The following SSUH2 variants were observed in gnomAD, a reference collection of about 807,000 sequenced individuals.
SSUH2 encodes protein SSUH2 homolog.
SSUH2 carries 47 observed loss-of-function variants against 55.3 expected under a neutral mutation model. The ratio of observed to expected loss-of-function variants is 0.85; its 90% CI spans 0.67 to 1.08. The LOEUF is 1.08. Among genes scored for constraint, SSUH2 ranks in the 50% least tolerant of loss-of-function variants. The pLI, the probability that SSUH2 is intolerant of heterozygous loss-of-function variation, is 0.00. For missense variants in SSUH2, 535 were observed against 490.7 expected (o/e 1.09, Z -0.85); for synonymous variants, 212 against 191.5 (o/e 1.11, Z -0.89).
chr3:8,640,165 C>A, intron 1 of SSUH2: 1 of 215,374 alleles, frequency 4.6e-6, no homozygotes, highest in Non-Finnish European at 7.9e-6. Context: ...CATGGCTGCA[C>A]AACAACGTGA....
intron 7 of SSUH2, among the ~76,000 whole-genome samples, chr3:8,657,996 C>T (rs942647390): frequency 3.9e-5 from 6 of 152,260 alleles, no homozygotes; most frequent in African/African-American, 1.4e-4. Flanking sequence ...CCTCCCTGTT[C>T]TTCCCATGTG....
At chr3:8,653,195 T>A (rs1245666476) in intron 7 of SSUH2, among the ~76,000 whole-genome samples, 1 of 152,234 alleles carries the variant, frequency 6.6e-6, no homozygotes, top group Non-Finnish European at 1.5e-5. Context: ...TCAATGTTAA[T>A]CACAGACCTC....
chr3:8,652,189 C>T (rs1702490779), intron 7 of SSUH2: 1 of 152,286 alleles, frequency 6.6e-6, no homozygotes, highest in South Asian at 2.1e-4. Context: ...AACTCTCCCA[C>T]CTTCCCTGTT....
At chr3:8,666,663 C>T (rs2125389771) in intron 5 of SSUH2, among the ~76,000 whole-genome samples, 1 of 152,330 alleles carries the variant, frequency 6.6e-6, no homozygotes, top group African/African-American at 2.4e-5. Context: ...TCGCCCACCA[C>T]CAAGCAGCAG....
rs545181052 is a variant in SSUH2 at position 8,679,445 on chromosome 3, C to T, written c.-901+260G>A. On this transcript the variant is annotated intron_variant, in intron 2 of 18. Coordinates refer to the SSUH2 transcript ENST00000317371. Reference sequence around the variant, plus strand: ...CTGGCTCTTAGGACCCCCATCACAGCGGGGGGAGGCACCCCCCGGGAGGCG... The same window carrying T: ...CTGGCTCTTAGGACCCCCATCACAGTGGGGGGAGGCACCCCCCGGGAGGCG... Among the ~76,000 whole-genome samples the T allele has an allele frequency of 6.1e-4, 64 of 105,194 alleles. 1 individual carries two copies. The highest frequency in any genetic ancestry group is 8.9e-4 in the Non-Finnish European group (43 of 48,276). The allele number at this position is 105,194 out of a possible 152,430, so 69.0% of individuals were successfully genotyped here.
At chr3:8,653,024 GAGCC>G (rs1702581623) in intron 7 of SSUH2, among the ~76,000 whole-genome samples, 1 of 152,178 alleles carries the variant, frequency 6.6e-6, no homozygotes, top group African/African-American at 2.4e-5. Flanking sequence ...CTGGCTTCCA[GAGCC>G]AGCTCCACAT....
rs375355677 is a variant in SSUH2, at chr3:8,678,727, G to A, written c.-901+978C>T. On this transcript the variant is annotated intron_variant, in intron 2 of 18. Transcript: ENST00000317371. ...CTGGGTCTTAGGACCCCCAACGTGG[G>A]GGGGGGAGGCACCACACGCGAGGCG... Among the ~76,000 whole-genome samples, 22 of 73,384 alleles carry A rather than the reference G, an allele frequency of 3.0e-4. 6 individuals carry two copies. The highest frequency in any genetic ancestry group is 6.3e-4 in the African/African-American group (14 of 22,110). The allele number at this position is 73,384 out of a possible 152,430, so 48.1% of individuals were successfully genotyped here.
chr3:8,662,260 T>C (rs554329029), intron 6 of SSUH2, among the ~76,000 whole-genome samples: 1 of 152,262 alleles, frequency 6.6e-6, no homozygotes, highest in African/African-American at 2.4e-5. Context: ...GAGAGGGCCA[T>C]GGGGAATTGT....
At chr3:8,681,414 C>T (rs913963896) in intron 1 of SSUH2, among the ~76,000 whole-genome samples, 2 of 147,452 alleles carry the variant, frequency 1.4e-5, no homozygotes, top group Non-Finnish European at 3.0e-5. Flanking sequence ...GAGGCACCCC[C>T]GGCGAGCCCG....
intron 5 of SSUH2, among the ~76,000 whole-genome samples, chr3:8,669,878 G>C (rs917043658): frequency 6.6e-6 from 1 of 152,196 alleles, no homozygotes; most frequent in African/African-American, 2.4e-5. Context: ...GAGAACGGGG[G>C]ACATGGGACT....
chr3:8,651,792 T>G (rs1044017497), intron 7 of SSUH2, among the ~76,000 whole-genome samples: 3 of 152,250 alleles, frequency 2.0e-5, no homozygotes, highest in African/African-American at 7.2e-5. Flanking sequence ...TGTGTTCCCA[T>G]GGCTCCACCC....
chr3:8,678,192 C>A (rs1318572482), intron 2 of SSUH2, among the ~76,000 whole-genome samples: 1 of 151,996 alleles, frequency 6.6e-6, no homozygotes, highest in Non-Finnish European at 1.5e-5. Flanking sequence ...GTCATATCAC[C>A]CCCTCCGCCT....
exon 4 of SSUH2, chr3:8,671,925 C>T (rs577656232): frequency 1.3e-5 from 2 of 152,112 alleles, no homozygotes; most frequent in African/African-American, 4.8e-5. Context: ...GGTCACACAG[C>T]ATGTTGACGG....
intron 1 of SSUH2, among the ~76,000 whole-genome samples, chr3:8,642,670 G>T (rs1304765917): frequency 6.6e-6 from 1 of 152,178 alleles, no homozygotes; most frequent in African/African-American, 2.4e-5. Context: ...ACTGGAGAAA[G>T]GTTTTCTCCC....
At chr3:8,634,560 T>G in intron 3 of SSUH2, 1 of 1,289,850 alleles carries the variant, frequency 7.8e-7, no homozygotes, top group South Asian at 1.2e-5. Flanking sequence ...GGGGCCCGTC[T>G]GTCTTCAGAT....
intron 1 of SSUH2, among the ~76,000 whole-genome samples, chr3:8,644,298 A>G (rs1280532114): frequency 3.3e-5 from 5 of 152,214 alleles, no homozygotes; most frequent in Non-Finnish European, 7.4e-5. Context: ...TTGAAATAAG[A>G]ATCCTGAAAA....
rs905399267 is a variant in SSUH2 at position 8,676,176 on chromosome 3, T to C, written c.-753+1030A>G. On this transcript the variant is annotated intron_variant, in intron 3 of 18. Transcript: ENST00000317371. ...TTGTGAGTAATATCATCTCCCCCTC[T>C]GGAGATTATGAACTGTTTCACAGAC... is the stretch of plus-strand genomic sequence containing the variant. 5.4e-4 allele frequency among the ~76,000 whole-genome samples: 82 copies of C among 152,124 alleles called. 6 individuals are homozygous for C. The highest frequency in any genetic ancestry group is 2.9e-5 in the Non-Finnish European group (2 of 67,966).
rs114202405 is a variant in SSUH2 at position 8,623,695 on chromosome 3, C to T, written c.874-39G>A. The T allele has an allele frequency of 3.8e-3, 4,284 of 1,116,234 alleles. 50 individuals carry two copies. Among genetic ancestry groups the T allele is most frequent in the African/African-American group, 0.031 (1,956 of 63,894 alleles). The allele number at this position is 1,116,234 out of a possible 1,614,324, so 69.1% of individuals were successfully genotyped here. A position where few individuals can be genotyped will look rare whatever the true frequency, so the allele number is the denominator to read the frequency against. On this transcript the variant is annotated intron_variant, in intron 10 of 11. Transcript: ENST00000544814. Reference sequence around the variant, plus strand: ...AGAGAGACACAGACCACCTGGCTGCCGCACCTGGAGCCTTGGAAGTCACTG... The same window carrying T: ...AGAGAGACACAGACCACCTGGCTGCTGCACCTGGAGCCTTGGAAGTCACTG...
intron 1 of SSUH2, 126 bp downstream of exon 1, chr3:8,644,605 G>C (rs912166383): frequency 1.2e-6 from 1 of 858,460 alleles, no homozygotes; most frequent in Non-Finnish European, 1.9e-6. Context: ...GCTAGCTACA[G>C]AGCTTATTAG....
Sources: allele counts gnomAD v4.1 joint callset (sites outside exome capture counted in the v4.1 genomes callset), GRCh38; gene constraint gnomAD v4.1.1; transcripts MANE v1.5; gene names NCBI Gene and HGNC (gene_info 2026-07-23, HGNC 2026-07-21).